Variants in KAZN observed in about 807,000 individuals in gnomAD.
KAZN encodes the protein kazrin.
A neutral mutation model predicts 87.4 loss-of-function variants in KAZN; 40 were observed. The observed-to-expected ratio is 0.46, with a 90% confidence interval of 0.36 to 0.60. KAZN has a LOEUF of 0.60. Ranked by LOEUF, KAZN falls within the 20% of genes least tolerant of loss-of-function variation. The pLI, the probability that KAZN is intolerant of heterozygous loss-of-function variation, is 0.00. For synonymous variants in KAZN, 466 were observed against 458.3 expected, an observed-to-expected ratio of 1.02 and a Z score of -0.22; for missense variants, 898 against 1,073.9, an observed-to-expected ratio of 0.84 and a Z score of 2.29.
chr1:14,208,098 T>G (rs1646781389), intron 2 of KAZN, among the ~76,000 whole-genome samples: 1 of 152,196 alleles, frequency 6.6e-6, no homozygotes, highest in Non-Finnish European at 1.5e-5. Flanking sequence ...AATCACGGAC[T>G]AAGAGTGTCC....
chr1:14,512,805 G>A (rs1241646431), intron 2 of KAZN, among the ~76,000 whole-genome samples: 1 of 152,164 alleles, frequency 6.6e-6, no homozygotes, highest in Admixed American at 6.5e-5. Context: ...CCTATTCATG[G>A]CAGTATTTGC....
chr1:14,473,324 G>A (rs113214353), intron 2 of KAZN, among the ~76,000 whole-genome samples: 479 of 152,228 alleles, frequency 3.1e-3, no homozygotes, highest in African/African-American at 0.011. Flanking sequence ...GCTAAGCCTG[G>A]CAACTTTATC....
chr1:14,461,159 C>T (rs1667829578), intron 2 of KAZN, among the ~76,000 whole-genome samples: 1 of 152,188 alleles, frequency 6.6e-6, no homozygotes, highest in Admixed American at 6.5e-5. Flanking sequence ...AGCATCCGCC[C>T]TTGAGTTCAG....
intron 1 of KAZN, among the ~76,000 whole-genome samples, chr1:14,030,626 G>A (rs149844288): frequency 8.5e-5 from 11 of 129,466 alleles, no homozygotes; most frequent in African/African-American, 3.2e-4. Flanking sequence ...AATTGGCAAT[G>A]TACACAGATA....
At position 14,599,270 on chromosome 1, in the gene KAZN, G is replaced by A. The variant is rs780909969; in HGVS notation, c.226+47G>A. 7.7e-7 allele frequency: 1 copy of A among 1,301,094 alleles called. No individual in the cohort carries two copies. Among genetic ancestry groups the A allele is most frequent in the South Asian group, 2.7e-5 (1 of 37,436 alleles). The allele number at this position is 1,301,094 out of a possible 1,614,324, so 80.6% of individuals were successfully genotyped here. ...GGGCGGAGGAAGGCGAGCAGAGCAC[G>A]CCCGGCCTCGGAGGTGGCCGGGGAC... On this transcript the variant is annotated intron_variant, in intron 1 of 14. Transcript: ENST00000376030. The surrounding 1 kb of genome is among the most constrained non-coding windows in gnomAD (Gnocchi z 4.4).
rs148603268 is a variant in KAZN, at chr1:15,073,429, G to A, written c.1222+7676G>A. Among the ~76,000 whole-genome samples, 205 of 152,252 alleles carry A rather than the reference G, an allele frequency of 1.3e-3. 2 individuals carry two copies. The highest frequency in any genetic ancestry group is 4.3e-3 in the African/African-American group (178 of 41,534). On this transcript the variant is annotated intron_variant, in intron 8 of 14. Coordinates refer to ENST00000376030, the MANE Select transcript of KAZN (RefSeq NM_201628.3). ...TGCCCGTGGGTTGGAGGGCAGACTC[G>A]CCAGGGCCATCACAAGGTAGGTTGA...
At chr1:14,308,494 A>G (rs967842685) in intron 2 of KAZN, among the ~76,000 whole-genome samples, 3 of 152,250 alleles carry the variant, frequency 2.0e-5, no homozygotes, top group African/African-American at 4.8e-5. Context: ...TAGAAGTTTC[A>G]TGAACAATTC....
chr1:14,315,810 AT>A (rs1655614727), intron 2 of KAZN, among the ~76,000 whole-genome samples: 1 of 152,076 alleles, frequency 6.6e-6, no homozygotes, highest in Non-Finnish European at 1.5e-5. Context: ...GGTAATTAAT[AT>A]TAGGGTTGTT....
At chr1:14,158,829 C>T (rs1341184115) in intron 1 of KAZN, among the ~76,000 whole-genome samples, 3 of 152,174 alleles carry the variant, frequency 2.0e-5, no homozygotes, top group Non-Finnish European at 2.9e-5. Flanking sequence ...CACCCCAAGC[C>T]TAGTAATGCT....
chr1:14,187,586 C>T (rs1646335010), intron 2 of KAZN, among the ~76,000 whole-genome samples: 1 of 152,112 alleles, frequency 6.6e-6, no homozygotes, highest in South Asian at 2.1e-4. Context: ...ACTTTGCTTC[C>T]CTCCCACACC....
intron 2 of KAZN, among the ~76,000 whole-genome samples, chr1:14,188,414 C>G (rs1646356723): frequency 1.3e-5 from 2 of 152,014 alleles, no homozygotes; most frequent in Admixed American, 1.3e-4. Context: ...TCCAGCTGGT[C>G]CCTTGGGAAC....
intron 1 of KAZN, among the ~76,000 whole-genome samples, chr1:14,157,260 AG>A (rs1645615024): frequency 6.6e-6 from 1 of 152,192 alleles, no homozygotes; most frequent in African/African-American, 2.4e-5. Context: ...TTTCTAATTA[AG>A]GTAACAGTAA....
At chr1:13,945,152 A>T (rs1179528090) in intron 1 of KAZN, among the ~76,000 whole-genome samples, 1 of 152,160 alleles carries the variant, frequency 6.6e-6, no homozygotes, top group African/African-American at 2.4e-5. Flanking sequence ...CACCTGAAAG[A>T]TATACTATCT....
chr1:14,670,385 A>G (rs1639847095), intron 1 of KAZN, among the ~76,000 whole-genome samples: 1 of 152,052 alleles, frequency 6.6e-6, no homozygotes, highest in East Asian at 1.9e-4. Flanking sequence ...AGCTTCTGCT[A>G]CCTTCTGCTT....
At chr1:14,664,655 T>C (rs10927488) in intron 1 of KAZN, among the ~76,000 whole-genome samples, 30,658 of 140,680 alleles carry the variant, frequency 0.22, 3,221 homozygotes, top group South Asian at 0.28. Context: ...CTTTTTCTCT[T>C]TTTTTTTTTT....
intron 1 of KAZN, among the ~76,000 whole-genome samples, chr1:14,883,388 A>AAAGAAAGAAAGAAAGAAAGG: frequency 7.6e-6 from 1 of 132,116 alleles, no homozygotes; most frequent in Non-Finnish European, 1.6e-5. Context: ...AGAAAGAAAG[A>AAAGAAAGAAAGAAAGAAAGG]AAGAAAGAAA....
At chr1:15,073,355 C>T (rs1349252430) in intron 8 of KAZN, among the ~76,000 whole-genome samples, 1 of 152,208 alleles carries the variant, frequency 6.6e-6, no homozygotes, top group Non-Finnish European at 1.5e-5. Flanking sequence ...CTGGTGTGGG[C>T]TCAGTCGCAG....
intron 2 of KAZN, among the ~76,000 whole-genome samples, chr1:14,299,917 G>T (rs1469199796): frequency 6.6e-6 from 1 of 152,178 alleles, no homozygotes; most frequent in Non-Finnish European, 1.5e-5. Context: ...TCTATCATGA[G>T]CATTAAGGCA....
At chr1:14,961,165 G>A (rs1051685451) in intron 2 of KAZN, among the ~76,000 whole-genome samples, 3 of 152,194 alleles carry the variant, frequency 2.0e-5, no homozygotes, top group Non-Finnish European at 4.4e-5. Context: ...GGACCAGGAC[G>A]CTGACCCAGC....
Sources: gnomAD v4.1 joint callset for allele counts (sites outside exome capture counted in the v4.1 genomes callset) on GRCh38, gnomAD v4.1.1 for gene constraint, Gnocchi (gnomAD v3.1) non-coding constraint, MANE v1.5 for transcripts, NCBI Gene and HGNC (gene_info 2026-07-23, HGNC 2026-07-21) for gene names.